DPP10: variants seen among roughly 807,000 people sequenced by gnomAD.
The protein encoded by DPP10 is inactive dipeptidyl peptidase 10.
A neutral mutation model predicts 120.9 loss-of-function variants in DPP10; 33 were observed. The observed-to-expected ratio is 0.27, with a 90% CI of 0.21 to 0.37. The LOEUF is 0.37. DPP10 is among the 10% of genes least tolerant of loss of function. DPP10 has a pLI of 1.00. For missense variants in DPP10, 816 were observed against 942.8 expected (o/e 0.87, Z 1.76); for synonymous variants, 337 against 326.1 (o/e 1.03, Z -0.36).
intron 1 of DPP10, among the ~76,000 whole-genome samples, chr2:114,453,366 C>G (rs1436204944): frequency 1.3e-5 from 2 of 152,186 alleles, no homozygotes; most frequent in Admixed American, 6.5e-5. Flanking sequence ...TTAAATGACT[C>G]AGTTTCCAAT....
chr2:115,210,617 T>C (rs1210586198), intron 1 of DPP10, among the ~76,000 whole-genome samples: 1 of 152,194 alleles, frequency 6.6e-6, no homozygotes, highest in Non-Finnish European at 1.5e-5. Context: ...ATGGTTGAAC[T>C]AGTTTACCAT....
At chr2:114,807,642 AT>A (rs1034673692) in intron 1 of DPP10, among the ~76,000 whole-genome samples, 93 of 152,208 alleles carry the variant, frequency 6.1e-4, no homozygotes, top group African/African-American at 2.2e-3. Flanking sequence ...TATCTAACTT[AT>A]TTTATGATAT....
chr2:115,511,743 T>G (rs2077241419), intron 4 of DPP10, among the ~76,000 whole-genome samples: 4 of 148,456 alleles, frequency 2.7e-5, no homozygotes, highest in Non-Finnish European at 4.5e-5. Flanking sequence ...TTTTTTTTTT[T>G]TTGACACAGG....
chr2:115,005,619 A>G (rs370576335), intron 1 of DPP10, among the ~76,000 whole-genome samples: 2 of 152,122 alleles, frequency 1.3e-5, no homozygotes, highest in African/African-American at 4.8e-5. Context: ...GGGTATCAGT[A>G]ATGGAAGATG....
intron 1 of DPP10, among the ~76,000 whole-genome samples, chr2:114,632,986 A>G (rs1695045471): frequency 6.6e-6 from 1 of 151,916 alleles, no homozygotes; most frequent in Admixed American, 6.6e-5. Context: ...TCCTTACCTT[A>G]CAAACCTCAG....
At chr2:115,255,040 TG>T (rs1417718987) in intron 1 of DPP10, among the ~76,000 whole-genome samples, 2 of 152,168 alleles carry the variant, frequency 1.3e-5, no homozygotes, top group African/African-American at 2.4e-5. Flanking sequence ...GGACTGTGTG[TG>T]GGGGCTCCAG....
chr2:115,431,536 A>T (rs986080852), intron 3 of DPP10, among the ~76,000 whole-genome samples: 1 of 152,258 alleles, frequency 6.6e-6, no homozygotes, highest in East Asian at 1.9e-4. Context: ...CCTAAAGCCA[A>T]TGATCTCTGA....
At chr2:115,017,342 C>G (rs28796102) in intron 1 of DPP10, among the ~76,000 whole-genome samples, 68,200 of 151,714 alleles carry the variant, frequency 0.45, 15,770 homozygotes, top group African/African-American at 0.55. Context: ...TCATTAAAAA[C>G]GTGGGAAACA....
At chr2:114,744,692 A>G (rs1198508374) in intron 1 of DPP10, among the ~76,000 whole-genome samples, 1 of 152,330 alleles carries the variant, frequency 6.6e-6, no homozygotes, top group Non-Finnish European at 1.5e-5. Flanking sequence ...GTGTTTGTAC[A>G]GTTCTTTGGC....
chr2:115,836,597 A>G (rs1440391289), intron 23 of DPP10, 32 bp downstream of exon 23: 1 of 1,610,368 alleles, frequency 6.2e-7, no homozygotes, highest in Admixed American at 1.7e-5. Context: ...AAGAAAGAGG[A>G]GTATTTTTGT....
At chr2:115,047,246 A>G (rs948756875) in intron 1 of DPP10, among the ~76,000 whole-genome samples, 14 of 152,088 alleles carry the variant, frequency 9.2e-5, no homozygotes, top group African/African-American at 3.1e-4. Flanking sequence ...AATCAAACAA[A>G]TGTTTCATCA....
At chr2:115,134,736 GA>G (rs368566815) in intron 1 of DPP10, among the ~76,000 whole-genome samples, 1 of 150,256 alleles carries the variant, frequency 6.7e-6, no homozygotes, top group Non-Finnish European at 1.5e-5. Flanking sequence ...TGCATTTGTA[GA>G]AAAAAAAATG....
At chr2:115,162,217 C>T (rs888752081) in intron 1 of DPP10, 14 of 1,557,628 alleles carry the variant, frequency 9.0e-6, no homozygotes, top group Admixed American at 3.9e-5. Flanking sequence ...GCGTGCGCTC[C>T]GGGGCCCGGC....
At chr2:114,663,668 T>TATATATAGAGAGAGAGAG in intron 1 of DPP10, among the ~76,000 whole-genome samples, 45 of 80,700 alleles carry the variant, frequency 5.6e-4, no homozygotes, top group East Asian at 3.2e-3. Flanking sequence ...TATATATATA[T>TATATATAGAGAGAGAGAG]AGAGAGAGAG....
intron 1 of DPP10, among the ~76,000 whole-genome samples, chr2:114,827,866 C>T (rs905050227): frequency 2.0e-5 from 3 of 152,136 alleles, no homozygotes; most frequent in Non-Finnish European, 2.9e-5. Flanking sequence ...GTCTCTTCCC[C>T]CTCCAGCAAT....
chr2:114,746,789 G>A (rs1384451369), intron 1 of DPP10, among the ~76,000 whole-genome samples: 2 of 152,160 alleles, frequency 1.3e-5, no homozygotes, highest in Non-Finnish European at 2.9e-5. Context: ...ATGACAAAAT[G>A]GAAATGGAAA....
intron 1 of DPP10, among the ~76,000 whole-genome samples, chr2:114,895,593 G>A (rs1352306080): frequency 6.6e-6 from 1 of 152,146 alleles, no homozygotes; most frequent in African/African-American, 2.4e-5. Context: ...GAGCCTGTGT[G>A]CTCTAATGAT....
At chr2:114,571,867 A>G (rs146440508) in intron 1 of DPP10, among the ~76,000 whole-genome samples, 2,500 of 148,452 alleles carry the variant, frequency 0.017, 32 homozygotes, top group Middle Eastern at 0.036. Context: ...TATTGTGTAT[A>G]TATTGTATAT....
chr2:115,594,873 A>G (rs1558899781), intron 5 of DPP10, among the ~76,000 whole-genome samples: 1 of 152,158 alleles, frequency 6.6e-6, no homozygotes, highest in Non-Finnish European at 1.5e-5. Context: ...ACATACTGAG[A>G]CATATCAGAA....
Sources: allele counts gnomAD v4.1 joint callset (sites outside exome capture counted in the v4.1 genomes callset), GRCh38; gene constraint gnomAD v4.1.1; transcripts MANE v1.5; gene names NCBI Gene and HGNC (gene_info 2026-07-23, HGNC 2026-07-21).